The following NGF variants were observed in gnomAD, a reference collection of about 807,000 sequenced individuals.
NGF encodes beta-nerve growth factor.
In NGF, 4 loss-of-function variants were observed where a neutral mutation model predicts 12.8. The ratio of observed to expected loss-of-function variants is 0.31; its 90% CI spans 0.15 to 0.72. The LOEUF is 0.72. Among genes scored for constraint, NGF ranks in the 30% least tolerant of loss-of-function variants. The pLI, the probability that NGF is intolerant of heterozygous loss-of-function variation, is 0.69. For synonymous variants in NGF, 140 were observed against 130.0 expected, an observed-to-expected ratio of 1.08 and a Z score of -0.52; for missense variants, 283 against 330.8, an observed-to-expected ratio of 0.86 and a Z score of 1.12.
At chr1:115,294,566 A>C (rs949908925) in intron 1 of NGF, among the ~76,000 whole-genome samples, 11 of 152,194 alleles carry the variant, frequency 7.2e-5, no homozygotes, top group Non-Finnish European at 1.3e-4. Flanking sequence ...AATAAGCAAG[A>C]TATCTCCAGA....
intron 2 of NGF, among the ~76,000 whole-genome samples, chr1:115,289,531 T>C (rs1478914993): frequency 6.6e-6 from 1 of 152,202 alleles, no homozygotes; most frequent in Non-Finnish European, 1.5e-5. Flanking sequence ...ACTAGTCTTT[T>C]GAAGCTAGTT....
chr1:115,323,858 G>C (rs1451825434), intron 1 of NGF, among the ~76,000 whole-genome samples: 2 of 152,218 alleles, frequency 1.3e-5, no homozygotes, highest in Non-Finnish European at 2.9e-5. Flanking sequence ...AGGTGGCCCT[G>C]AGGGCACAGA....
intron 1 of NGF, among the ~76,000 whole-genome samples, chr1:115,294,190 G>C (rs776944599): frequency 7.9e-5 from 12 of 152,180 alleles, no homozygotes; most frequent in African/African-American, 2.4e-5. Context: ...AGAGCAAGTT[G>C]GTGCTTTGAT....
chr1:115,308,850 G>A (rs1416650474), intron 1 of NGF, among the ~76,000 whole-genome samples: 2 of 152,216 alleles, frequency 1.3e-5, no homozygotes, highest in Admixed American at 6.5e-5. Context: ...ATGTGAGGCT[G>A]AGACTTGAAT....
chr1:115,286,020 G>A lies in NGF; in HGVS notation c.*50C>T. On this transcript the variant is annotated 3_prime_UTR_variant, in exon 3 of 3. Transcript: ENST00000369512. Reference sequence around the variant, plus strand: ...AATAATTTACAGGTTGAGGTAGGGAGGGGCCCAGGAGAGTGTAGAAGGGGC... The same window carrying A: ...AATAATTTACAGGTTGAGGTAGGGAAGGGCCCAGGAGAGTGTAGAAGGGGC... 6.3e-7 allele frequency: 1 copy of A among 1,592,702 alleles called. No homozygotes were observed. The highest frequency in any genetic ancestry group is 8.6e-7 in the Non-Finnish European group (1 of 1,168,446).
chr1:115,312,962 G>A (rs892226654), intron 1 of NGF, among the ~76,000 whole-genome samples: 4 of 152,098 alleles, frequency 2.6e-5, no homozygotes, highest in Admixed American at 6.6e-5. Context: ...TTTTACTGAG[G>A]ATTTGGTAAC....
chr1:115,330,286 C>T (rs1235823123), intron 1 of NGF, among the ~76,000 whole-genome samples: 1 of 152,156 alleles, frequency 6.6e-6, no homozygotes, highest in African/African-American at 2.4e-5. Flanking sequence ...TCCAGGAAAC[C>T]ATCCAGAATA....
intron 1 of NGF, among the ~76,000 whole-genome samples, chr1:115,321,476 A>G (rs1257871627): frequency 2.6e-5 from 4 of 151,978 alleles, no homozygotes; most frequent in Non-Finnish European, 5.9e-5. Flanking sequence ...TTCTTTCAAC[A>G]CTAGGATTCT....
chr1:115,293,135 A>G (rs11466102), intron 2 of NGF, among the ~76,000 whole-genome samples: 7,978 of 152,224 alleles, frequency 0.052, 315 homozygotes, highest in Non-Finnish European at 0.084. Flanking sequence ...ATGAGAAACC[A>G]GAGATGTAGT....
chr1:115,305,472 G>T (rs1056805421), intron 1 of NGF, among the ~76,000 whole-genome samples: 15 of 152,164 alleles, frequency 9.9e-5, no homozygotes, highest in Non-Finnish European at 1.8e-4. Flanking sequence ...TCTGGGTTTT[G>T]TTCTGAGTGT....
intron 1 of NGF, among the ~76,000 whole-genome samples, chr1:115,303,672 T>G (rs1315172223): frequency 6.6e-6 from 1 of 152,144 alleles, no homozygotes; most frequent in Non-Finnish European, 1.5e-5. Flanking sequence ...CTGCCATTAC[T>G]ATTACTAACA....
In NGF at chr1:115,286,742, C is replaced by T. The variant is rs6325; in HGVS notation, c.54G>A (p.Ala18=). The change falls in exon 3 of 3, where the codon GCG becomes GCA. Residue 18 remains alanine, a synonymous_variant. Transcript: ENST00000369512. ...GGACATTGCTCTCTGAGTGTGGTTC[C>T]GCCTGTATGCCGATCAGAAAAGCTG... is the stretch of plus-strand genomic sequence containing the variant. ...LITAFLIGIQ[A]EPHSESNVPA... is the part of the protein sequence containing the mutation. The T allele has an allele frequency of 6.9e-3, 11,186 of 1,614,086 alleles. 724 individuals are homozygous for T. In the African/African-American group the frequency reaches 0.13, roughly 19 times the overall value.
chr1:115,303,390 C>A (rs903062796), intron 1 of NGF, among the ~76,000 whole-genome samples: 6 of 152,074 alleles, frequency 3.9e-5, no homozygotes, highest in Non-Finnish European at 7.4e-5. Context: ...CCACCCCTAC[C>A]GCCACCACTG....
intron 1 of NGF, among the ~76,000 whole-genome samples, chr1:115,333,655 CTCTTTCTTTCTT>C (rs368041850): frequency 0.05 from 6,759 of 134,986 alleles, 291 homozygotes; most frequent in Non-Finnish European, 0.078. Flanking sequence ...TTCTTTCTTT[CTCTTTCTTTCTT>C]TCTTTCTTTC....
intron 2 of NGF, among the ~76,000 whole-genome samples, chr1:115,292,617 G>A (rs1653738364): frequency 6.6e-6 from 1 of 152,156 alleles, no homozygotes; most frequent in Admixed American, 6.5e-5. Context: ...GCCAGTCCGT[G>A]AACACCTGAC....
chr1:115,308,939 A>G (rs757843353), intron 1 of NGF, among the ~76,000 whole-genome samples: 6,472 of 152,224 alleles, frequency 0.043, 180 homozygotes, highest in Middle Eastern at 0.075. Context: ...TGTGTTTTTA[A>G]AAGGTAAATT....
intron 1 of NGF, among the ~76,000 whole-genome samples, chr1:115,336,742 G>A (rs1298235670): frequency 6.6e-6 from 1 of 152,236 alleles, no homozygotes. Flanking sequence ...ACTGCCTCGA[G>A]AAGGGGAAAG....
chr1:115,295,522 A>C (rs1244580671), intron 1 of NGF, among the ~76,000 whole-genome samples: 15 of 152,102 alleles, frequency 9.9e-5, no homozygotes, highest in Admixed American at 9.8e-4. Context: ...CCCATTACTC[A>C]TGGGAAGATG....
chr1:115,299,892 C>A (rs1284002591), intron 1 of NGF, among the ~76,000 whole-genome samples: 1 of 152,174 alleles, frequency 6.6e-6, no homozygotes, highest in Non-Finnish European at 1.5e-5. Flanking sequence ...GTACTGGGAA[C>A]AATGACTCTC....
Sources: allele counts gnomAD v4.1 joint callset (sites outside exome capture counted in the v4.1 genomes callset), GRCh38; gene constraint gnomAD v4.1.1; transcripts MANE v1.5; gene names NCBI Gene and HGNC (gene_info 2026-07-23, HGNC 2026-07-21).